Variants in SETBP1 observed in about 807,000 individuals in gnomAD.
SETBP1 encodes SET binding protein 1.
Under a neutral mutation model 101.0 loss-of-function variants are expected in SETBP1, and 9 were observed. That is an observed-to-expected ratio of 0.09 (90% CI 0.05 to 0.16). The LOEUF (loss-of-function observed/expected upper bound fraction) is 0.16. Among genes scored for constraint, SETBP1 ranks in the 10% least tolerant of loss-of-function variants. The pLI is 1.00. For missense variants in SETBP1, 1,858 were observed against 2,033.8 expected, an observed-to-expected ratio of 0.91 and a Z score of 1.66; for synonymous variants, 818 against 788.5, an observed-to-expected ratio of 1.04 and a Z score of -0.63.
At chr18:44,912,706 C>CGT in intron 3 of SETBP1, among the ~76,000 whole-genome samples, 1 of 152,194 alleles carries the variant, frequency 6.6e-6, no homozygotes, top group East Asian at 1.9e-4. Flanking sequence ...CGTGAGCCAC[C>CGT]GTGCCTGGCC....
intron 2 of SETBP1, among the ~76,000 whole-genome samples, chr18:44,703,103 G>T (rs759016439): frequency 1.8e-4 from 28 of 152,142 alleles, no homozygotes; most frequent in Non-Finnish European, 3.7e-4. Flanking sequence ...GACTGCCTTG[G>T]TATAGTAAGT....
At chr18:45,023,412 G>C (rs1240979915) in intron 4 of SETBP1, among the ~76,000 whole-genome samples, 3 of 152,114 alleles carry the variant, frequency 2.0e-5, no homozygotes, top group Non-Finnish European at 4.4e-5. Flanking sequence ...GCTACCCAAA[G>C]ACTAGACTGT....
intron 4 of SETBP1, among the ~76,000 whole-genome samples, chr18:44,966,302 C>T (rs983424306): frequency 6.6e-6 from 1 of 152,144 alleles, no homozygotes; most frequent in Admixed American, 6.5e-5. Flanking sequence ...TAAATCTCCT[C>T]CTTATCCTAT....
At chr18:44,981,121 G>A (rs913039917) in intron 4 of SETBP1, among the ~76,000 whole-genome samples, 19 of 152,088 alleles carry the variant, frequency 1.2e-4, no homozygotes, top group African/African-American at 4.6e-4. Context: ...ATTAAAAACC[G>A]ATGCACCCTT....
intron 2 of SETBP1, among the ~76,000 whole-genome samples, chr18:44,721,245 G>A (rs1187008754): frequency 6.6e-6 from 1 of 152,154 alleles, no homozygotes; most frequent in African/African-American, 2.4e-5. Flanking sequence ...TGACTGGAAA[G>A]GGCCTTGCAT....
At chr18:44,744,774 A>AAC (rs2070192873) in intron 2 of SETBP1, among the ~76,000 whole-genome samples, 2 of 127,768 alleles carry the variant, frequency 1.6e-5, no homozygotes, top group African/African-American at 5.4e-5. Context: ...CCTCTTAAAA[A>AAC]AAAAAAAACA....
intron 4 of SETBP1, among the ~76,000 whole-genome samples, chr18:45,000,176 G>A (rs2072588212): frequency 6.6e-6 from 1 of 152,250 alleles, no homozygotes; most frequent in African/African-American, 2.4e-5. Flanking sequence ...TGTCTAGACT[G>A]GGCTTTTGAG....
At chr18:44,959,558 C>A (rs1599379257) in intron 4 of SETBP1, among the ~76,000 whole-genome samples, 1 of 152,114 alleles carries the variant, frequency 6.6e-6, no homozygotes, top group Non-Finnish European at 1.5e-5. Flanking sequence ...AGACTACAAT[C>A]CAGGAGGACC....
intron 2 of SETBP1, among the ~76,000 whole-genome samples, chr18:44,829,043 T>C (rs998486613): frequency 6.6e-6 from 1 of 152,262 alleles, no homozygotes; most frequent in Admixed American, 6.5e-5. Context: ...ATTTTTCTGG[T>C]TACATCTACC....
rs183347883 is a variant in SETBP1 at position 45,049,468 on chromosome 18, T to G, written c.4171+10813T>G. Among the ~76,000 whole-genome samples, 12 of 152,324 alleles carry G rather than the reference T, an allele frequency of 7.9e-5. No individual in the cohort carries two copies. In the East Asian group the frequency reaches 1.9e-3, roughly 24 times the overall value. On this transcript the variant is annotated intron_variant, in intron 5 of 5. Coordinates refer to ENST00000649279, the MANE Select transcript of SETBP1 (RefSeq NM_015559.3). Reference sequence around the variant, plus strand: ...ACGGAAGGTTATAAATTTTAAAAAATTAGCCATTTATGAACATCAGAAGAT... The same window carrying G: ...ACGGAAGGTTATAAATTTTAAAAAAGTAGCCATTTATGAACATCAGAAGAT...
intron 2 of SETBP1, among the ~76,000 whole-genome samples, chr18:44,801,118 C>T (rs973539967): frequency 3.9e-4 from 60 of 152,046 alleles, no homozygotes; most frequent in African/African-American, 1.4e-3. Flanking sequence ...ATATCACACA[C>T]CGGGGCCTGT....
At chr18:44,817,425 C>A (rs1388981277) in intron 2 of SETBP1, among the ~76,000 whole-genome samples, 1 of 152,116 alleles carries the variant, frequency 6.6e-6, no homozygotes, top group Non-Finnish European at 1.5e-5. Flanking sequence ...GTGGCTCACC[C>A]CTGTAATCCC....
intron 3 of SETBP1, among the ~76,000 whole-genome samples, chr18:44,927,641 A>C (rs2070734669): frequency 6.6e-6 from 1 of 152,124 alleles, no homozygotes; most frequent in South Asian, 2.1e-4. Flanking sequence ...GCCCAATCAA[A>C]ATGTGGCAGT....
intron 4 of SETBP1, among the ~76,000 whole-genome samples, chr18:44,989,661 A>G (rs1377390590): frequency 6.6e-6 from 1 of 151,718 alleles, no homozygotes; most frequent in Non-Finnish European, 1.5e-5. Flanking sequence ...CGAGGTCAGG[A>G]GATCGAGACC....
chr18:44,774,173 T>C (rs2070942432), intron 2 of SETBP1, among the ~76,000 whole-genome samples: 1 of 152,204 alleles, frequency 6.6e-6, no homozygotes, highest in Non-Finnish European at 1.5e-5. Context: ...ATTTTAATCT[T>C]AAAATTAGGA....
At chr18:44,696,883 A>G (rs1209073882) in intron 1 of SETBP1, among the ~76,000 whole-genome samples, 1 of 152,228 alleles carries the variant, frequency 6.6e-6, no homozygotes. Flanking sequence ...TTCTAAATAC[A>G]TCTGTTTCTT....
chr18:44,993,464 A>G (rs1390315279), intron 4 of SETBP1, among the ~76,000 whole-genome samples: 1 of 152,098 alleles, frequency 6.6e-6, no homozygotes, highest in African/African-American at 2.4e-5. Context: ...AAGTGATTAA[A>G]TACAGAAAAT....
chr18:44,941,297 G>A (rs994995684), intron 3 of SETBP1, among the ~76,000 whole-genome samples: 3 of 151,880 alleles, frequency 2.0e-5, no homozygotes, highest in Non-Finnish European at 4.4e-5. Flanking sequence ...TGTTGGGCCA[G>A]GCTGGTCTTG....
chr18:45,065,364 G>C lies in SETBP1; in HGVS notation c.*1666G>C, dbSNP rs891733104. On this transcript the variant is annotated 3_prime_UTR_variant, in exon 6 of 6. Transcript: ENST00000649279. ...TAGATTATAGAAAGAGACACTGAGA[G>C]AGAGAATTAAATTTTCTAATGGGAA... 6.6e-6 allele frequency: 1 copy of C among 152,202 alleles called. No individual in the cohort carries two copies. The highest frequency in any genetic ancestry group is 6.5e-5 in the Admixed American group (1 of 15,278). The allele number at this position is 152,202 out of a possible 1,614,324, so 9.4% of individuals were successfully genotyped here. A position where few individuals can be genotyped will look rare whatever the true frequency, so the allele number is the denominator to read the frequency against.
Sources: gnomAD v4.1 joint callset for allele counts (sites outside exome capture counted in the v4.1 genomes callset) on GRCh38, gnomAD v4.1.1 for gene constraint, MANE v1.5 for transcripts, NCBI Gene and HGNC (gene_info 2026-07-23, HGNC 2026-07-21) for gene names.